Variants in MPDZ observed in about 807,000 individuals in gnomAD.
MPDZ encodes multiple PDZ domain crumbs cell polarity complex component.
Under a neutral mutation model 239.1 loss-of-function variants are expected in MPDZ, and 234 were observed. That is an observed-to-expected ratio of 0.98 (90% CI 0.88 to 1.09). The LOEUF (loss-of-function observed/expected upper bound fraction) is 1.09. MPDZ is among the 50% of genes least tolerant of loss of function. The pLI is 0.00. For synonymous variants in MPDZ, 1,048 were observed against 881.3 expected (o/e 1.19, Z -3.35); for missense variants, 3,175 against 2,510.0 (o/e 1.26, Z -5.66).
chr9:13,125,815 A>C lies in MPDZ; in HGVS notation c.4633-425T>G, dbSNP rs190048277. On this transcript the variant is annotated intron_variant, in intron 34 of 46. Coordinates refer to ENST00000319217, the MANE Select transcript of MPDZ (RefSeq NM_001378778.1). ...CATATGTTAGAAGCAGAATAAGAAA[A>C]GTATACAACAAAAAAGTCAAGGTAA... Among the ~76,000 whole-genome samples the C allele has an allele frequency of 2.6e-3, 389 of 152,330 alleles. 2 individuals carry two copies. The highest frequency in any genetic ancestry group is 6.8e-3 in the Middle Eastern group (2 of 294).
intron 21 of MPDZ, among the ~76,000 whole-genome samples, chr9:13,175,466 T>A (rs1027803836): frequency 6.6e-6 from 1 of 152,224 alleles, no homozygotes. Flanking sequence ...ATTCCTTTTC[T>A]GATTTGCTGT....
chr9:13,214,740 C>T (rs1326566902), intron 10 of MPDZ, among the ~76,000 whole-genome samples: 1 of 151,928 alleles, frequency 6.6e-6, no homozygotes, highest in African/African-American at 2.4e-5. Flanking sequence ...TCCCTCAAAA[C>T]AAAAACATGT....
chr9:13,185,999 T>C (rs1371666848), intron 18 of MPDZ, among the ~76,000 whole-genome samples: 1 of 152,104 alleles, frequency 6.6e-6, no homozygotes, highest in Non-Finnish European at 1.5e-5. Context: ...AGCAAACAAA[T>C]GCTCCACAAA....
chr9:13,111,435 T>C (rs1486353114), intron 43 of MPDZ, among the ~76,000 whole-genome samples: 1 of 152,222 alleles, frequency 6.6e-6, no homozygotes, highest in African/African-American at 2.4e-5. Context: ...ATTTGAGGTA[T>C]GAAACCATAG....
chr9:13,276,204 C>A (rs192221653), intron 1 of MPDZ, among the ~76,000 whole-genome samples: 24 of 152,314 alleles, frequency 1.6e-4, no homozygotes, highest in African/African-American at 5.8e-4. Flanking sequence ...TTACTACCTA[C>A]TACATGAATA....
At chr9:13,125,422 A>G in intron 34 of MPDZ, 32 bp from the exon 35 acceptor site, 2 of 1,589,642 alleles carry the variant, frequency 1.3e-6, no homozygotes, top group South Asian at 2.2e-5. Flanking sequence ...AGAGAAACAA[A>G]ATTCAAAGCT....
intron 24 of MPDZ, among the ~76,000 whole-genome samples, chr9:13,155,594 A>G (rs1023070864): frequency 2.0e-5 from 3 of 152,154 alleles, no homozygotes; most frequent in African/African-American, 4.8e-5. Context: ...GTAGTATATC[A>G]ATTGTGTAAA....
At chr9:13,255,976 G>A (rs1207370392) in intron 1 of MPDZ, among the ~76,000 whole-genome samples, 1 of 152,092 alleles carries the variant, frequency 6.6e-6, no homozygotes, top group African/African-American at 2.4e-5. Context: ...TCAATATAAT[G>A]CTGTTTTATC....
intron 21 of MPDZ, among the ~76,000 whole-genome samples, chr9:13,172,753 T>C (rs961808850): frequency 3.9e-5 from 6 of 152,152 alleles, no homozygotes; most frequent in Non-Finnish European, 7.4e-5. Context: ...GTCAGGCTGT[T>C]GAGGGAGGTT....
At chr9:13,117,530 CAA>C (rs373737156) in intron 39 of MPDZ, among the ~76,000 whole-genome samples, 5 of 135,194 alleles carry the variant, frequency 3.7e-5, no homozygotes, top group Non-Finnish European at 4.7e-5. Context: ...GACTCCGTCT[CAA>C]AAAAAAAAAA....
At chr9:13,168,233 T>A in intron 22 of MPDZ, 133 bp downstream of exon 22, 1 of 807,376 alleles carries the variant, frequency 1.2e-6, no homozygotes, top group Non-Finnish European at 2.0e-6. Context: ...AATAGTCAAT[T>A]TCTTGAGTGA....
intron 1 of MPDZ, among the ~76,000 whole-genome samples, chr9:13,255,027 T>A (rs367558102): frequency 6.6e-6 from 1 of 152,214 alleles, no homozygotes; most frequent in African/African-American, 2.4e-5. Flanking sequence ...TTACCCACAA[T>A]AGAACCTCTC....
In MPDZ at chr9:13,105,772, TA is replaced by T. The variant is rs1941387855; in HGVS notation, c.*1192del. The T allele has an allele frequency of 6.6e-6, 1 of 152,202 alleles. No homozygotes were observed. Among genetic ancestry groups the T allele is most frequent in the African/African-American group, 2.4e-5 (1 of 41,466 alleles). The allele number at this position is 152,202 out of a possible 1,614,324, so 9.4% of individuals were successfully genotyped here. On this transcript the variant is annotated 3_prime_UTR_variant, in exon 47 of 47. Transcript: ENST00000319217. ...CTGCATTTACACAAAAATGCTGTAATAAAATATCTGTACACTACTTCTGTTA... is the reference window on the plus strand; with the variant it reads ...CTGCATTTACACAAAAATGCTGTAATAAATATCTGTACACTACTTCTGTTA...
At position 13,187,897 on chromosome 9, in the gene MPDZ, G is replaced by A. The variant is rs142123285; in HGVS notation, c.2364+887C>T. Among the ~76,000 whole-genome samples the A allele has an allele frequency of 8.0e-3, 1,213 of 152,186 alleles. 7 individuals carry two copies. The highest frequency in any genetic ancestry group is 0.014 in the Non-Finnish European group (923 of 67,986). ...ATAACATACTGCTTTATGTAGCACG[G>A]ATTCATAAAGTTGTTTCTATTATTA... On this transcript the variant is annotated intron_variant, in intron 17 of 46. Coordinates refer to ENST00000319217, the MANE Select transcript of MPDZ (RefSeq NM_001378778.1).
intron 4 of MPDZ, 50 bp downstream of exon 4, chr9:13,224,324 C>T: frequency 7.0e-7 from 1 of 1,434,256 alleles, no homozygotes; most frequent in Non-Finnish European, 9.6e-7. Context: ...TGATCACATT[C>T]TTAAATTACT....
intron 22 of MPDZ, chr9:13,165,343 A>G (rs1950943893): frequency 6.5e-7 from 1 of 1,547,914 alleles, no homozygotes; most frequent in Non-Finnish European, 8.7e-7. Flanking sequence ...AGCCATAATG[A>G]GCTTTCGAAT....
At position 13,219,652 on chromosome 9, in the gene MPDZ, C is replaced by T. The variant is rs2136220337; in HGVS notation, c.993G>A (p.Leu331=). 6.2e-7 allele frequency: 1 copy of T among 1,612,726 alleles called. No homozygotes were observed. Among genetic ancestry groups the T allele is most frequent in the Non-Finnish European group, 8.5e-7 (1 of 1,179,254 alleles). ...CTTCTATGGCACCTCTTGCAATCAT[C>T]AACTTAACTCTATTTCCACATTGCC... ...VLRQCGNRVK[L]MIARGAIEER... The change falls in exon 8 of 47, where the codon TTG becomes TTA. Residue 331 remains leucine, a synonymous_variant. Coordinates refer to ENST00000319217, the MANE Select transcript of MPDZ (RefSeq NM_001378778.1).
intron 1 of MPDZ, among the ~76,000 whole-genome samples, chr9:13,254,767 C>A (rs567816711): frequency 1.3e-5 from 2 of 152,086 alleles, no homozygotes; most frequent in East Asian, 1.9e-4. Context: ...AATCTATACA[C>A]CTTTATTAAA....
At chr9:13,194,526 T>TCA (rs1359851319) in intron 13 of MPDZ, among the ~76,000 whole-genome samples, 2 of 151,836 alleles carry the variant, frequency 1.3e-5, no homozygotes, top group East Asian at 3.9e-4. Context: ...GAGGGAAACA[T>TCA]CACACACTAG....
Sources: allele counts gnomAD v4.1 joint callset (sites outside exome capture counted in the v4.1 genomes callset), GRCh38; gene constraint gnomAD v4.1.1; transcripts MANE v1.5; gene names NCBI Gene and HGNC (gene_info 2026-07-23, HGNC 2026-07-21).